MEGF9: variants seen among roughly 807,000 people sequenced by gnomAD.
The protein encoded by MEGF9 is multiple epidermal growth factor-like domains protein 9.
MEGF9 carries 6 observed loss-of-function variants against 46.8 expected under a neutral mutation model. The observed-to-expected ratio is 0.13, with a 90% CI of 0.07 to 0.25. The LOEUF (loss-of-function observed/expected upper bound fraction) is 0.25. MEGF9 is among the 10% of genes least tolerant of loss of function. The pLI, the probability that MEGF9 is intolerant of heterozygous loss-of-function variation, is 1.00. For missense variants in MEGF9, 683 were observed against 792.4 expected (o/e 0.86, Z 1.66); for synonymous variants, 302 against 330.7 (o/e 0.91, Z 0.94).
At chr9:120,647,869 T>C (rs2043632538) in intron 2 of MEGF9, among the ~76,000 whole-genome samples, 1 of 152,170 alleles carries the variant, frequency 6.6e-6, no homozygotes, top group African/African-American at 2.4e-5. Flanking sequence ...TTATTAATAA[T>C]AGAATAGCTC....
chr9:120,658,742 T>G (rs1362153731), intron 2 of MEGF9, among the ~76,000 whole-genome samples: 1 of 152,240 alleles, frequency 6.6e-6, no homozygotes, highest in Non-Finnish European at 1.5e-5. Flanking sequence ...ATAATTACTT[T>G]CAGTGCAGTA....
intron 2 of MEGF9, among the ~76,000 whole-genome samples, chr9:120,629,067 C>T (rs1156392757): frequency 1.3e-5 from 2 of 152,144 alleles, no homozygotes; most frequent in Non-Finnish European, 2.9e-5. Context: ...CCTCAACCTC[C>T]CTGGCTCAAG....
At position 120,601,471 on chromosome 9, in the gene MEGF9, T is replaced by C. The variant is rs1264853124; in HGVS notation, c.*3719A>G. On this transcript the variant is annotated 3_prime_UTR_variant, in exon 6 of 6. Transcript: ENST00000373930. ...AAAGGGTTAAATATCCTGATGGTAC[T>C]CAGCTGACCAAAATAAACTAGTAGG... 2 of 152,236 alleles carry C rather than the reference T, an allele frequency of 1.3e-5. No individual in the cohort carries two copies. The highest frequency in any genetic ancestry group is 3.8e-4 in the East Asian group (2 of 5,202). 9.4% of individuals were successfully genotyped at this position (152,236 alleles called of 1,614,324 possible).
intron 2 of MEGF9, among the ~76,000 whole-genome samples, chr9:120,634,569 C>A (rs1165211626): frequency 7.4e-6 from 1 of 134,840 alleles, no homozygotes; most frequent in African/African-American, 3.8e-5. Context: ...CATTCTCCTG[C>A]CTCAGGAATA....
rs34861368 is a variant in MEGF9 at position 120,637,790 on chromosome 9, C to CAAAAAAAAAAA, written c.804-15046_804-15036dup. On this transcript the variant is annotated intron_variant, in intron 2 of 5. Transcript: ENST00000373930. ...AGGGCAACAGGGCAAGACTCTGTCTCAAAAAAAAAAAAAAAAAAAAAAAAA... is the reference window on the plus strand; with the variant it reads ...AGGGCAACAGGGCAAGACTCTGTCTCAAAAAAAAAAAAAAAAAAAAAAAAAAAAAAAAAAAA... 8.3e-4 allele frequency among the ~76,000 whole-genome samples: 29 copies of CAAAAAAAAAAA among 34,792 alleles called. 2 individuals are homozygous for CAAAAAAAAAAA. Among genetic ancestry groups the CAAAAAAAAAAA allele is most frequent in the African/African-American group, 3.2e-3 (29 of 8,966 alleles). 22.8% of individuals were successfully genotyped at this position (34,792 alleles called of 152,430 possible).
intron 3 of MEGF9, among the ~76,000 whole-genome samples, chr9:120,618,377 T>C (rs1052201436): frequency 2.6e-5 from 4 of 152,124 alleles, no homozygotes; most frequent in Non-Finnish European, 4.4e-5. Flanking sequence ...GAGTAGAGGA[T>C]TGGTCAACTC....
chr9:120,671,460 G>A (rs1418629062), intron 1 of MEGF9, among the ~76,000 whole-genome samples: 3 of 152,054 alleles, frequency 2.0e-5, no homozygotes, highest in African/African-American at 7.3e-5. Flanking sequence ...GAAGAATGAA[G>A]GAGAAGACAT....
intron 1 of MEGF9, among the ~76,000 whole-genome samples, chr9:120,672,314 G>A (rs2043752865): frequency 6.6e-6 from 1 of 152,014 alleles, no homozygotes; most frequent in Non-Finnish European, 1.5e-5. Context: ...ACTGGGCCAG[G>A]GGTAGTAGCT....
chr9:120,693,275 C>CAAAAAAAAAAAAAAAAAAAAAAAAAAAA (rs10633158), intron 1 of MEGF9, among the ~76,000 whole-genome samples: 1 of 104,478 alleles, frequency 9.6e-6, no homozygotes, highest in Non-Finnish European at 1.9e-5. Flanking sequence ...TCTGGTTAAC[C>CAAAAAAAAAAAAAAAAAAAAAAAAAAAA]AAAAAAAAAA....
At chr9:120,664,985 C>T (rs2043718675) in intron 1 of MEGF9, among the ~76,000 whole-genome samples, 1 of 152,144 alleles carries the variant, frequency 6.6e-6, no homozygotes, top group Admixed American at 6.5e-5. Context: ...ACATCCATTA[C>T]CTCAAACATT....
chr9:120,667,078 T>G (rs143863853), intron 1 of MEGF9, among the ~76,000 whole-genome samples: 1 of 152,208 alleles, frequency 6.6e-6, no homozygotes, highest in Non-Finnish European at 1.5e-5. Flanking sequence ...TTTTAAAATA[T>G]GCAAAAAAAT....
intron 2 of MEGF9, among the ~76,000 whole-genome samples, chr9:120,638,175 A>C (rs1295956644): frequency 6.6e-6 from 1 of 152,118 alleles, no homozygotes; most frequent in African/African-American, 2.4e-5. Context: ...TTGATTTTGT[A>C]GAAACAGGGT....
chr9:120,687,525 G>A (rs917587137), intron 1 of MEGF9, among the ~76,000 whole-genome samples: 2 of 152,048 alleles, frequency 1.3e-5, no homozygotes, highest in Non-Finnish European at 2.9e-5. Flanking sequence ...AGATATTGTG[G>A]ACTATTCATA....
At chr9:120,682,440 A>G (rs2043802616) in intron 1 of MEGF9, among the ~76,000 whole-genome samples, 1 of 152,200 alleles carries the variant, frequency 6.6e-6, no homozygotes, top group Non-Finnish European at 1.5e-5. Context: ...AAAGAGAACA[A>G]AAGGAAAGGT....
chr9:120,652,026 T>G (rs1055873687), intron 2 of MEGF9, among the ~76,000 whole-genome samples: 1 of 151,176 alleles, frequency 6.6e-6, no homozygotes, highest in Non-Finnish European at 1.5e-5. Context: ...ACTTCTTCCC[T>G]AGCATACCAA....
intron 3 of MEGF9, among the ~76,000 whole-genome samples, chr9:120,618,589 C>T (rs1185410981): frequency 2.0e-5 from 3 of 151,924 alleles, no homozygotes; most frequent in African/African-American, 2.4e-5. Flanking sequence ...AAAAATCATC[C>T]TAGGAAATCT....
At chr9:120,673,144 C>T (rs925302413) in intron 1 of MEGF9, among the ~76,000 whole-genome samples, 2 of 152,032 alleles carry the variant, frequency 1.3e-5, no homozygotes, top group African/African-American at 4.8e-5. Flanking sequence ...AGAATAGCTC[C>T]AAAAATATGA....
chr9:120,633,080 T>C (rs763062653), intron 2 of MEGF9, among the ~76,000 whole-genome samples: 2 of 152,234 alleles, frequency 1.3e-5, no homozygotes, highest in African/African-American at 2.4e-5. Flanking sequence ...TGTCTGGTTT[T>C]GGTATCAGGG....
At chr9:120,631,830 G>T (rs1467166459) in intron 2 of MEGF9, among the ~76,000 whole-genome samples, 3 of 151,998 alleles carry the variant, frequency 2.0e-5, no homozygotes, top group African/African-American at 7.2e-5. Context: ...ATTTTGATAG[G>T]GATAGCATTA....
Sources: gnomAD v4.1 joint callset for allele counts (sites outside exome capture counted in the v4.1 genomes callset) on GRCh38, gnomAD v4.1.1 for gene constraint, MANE v1.5 for transcripts, NCBI Gene and HGNC (gene_info 2026-07-23, HGNC 2026-07-21) for gene names.